Variants in CMSS1 observed in about 807,000 individuals in gnomAD.
The protein encoded by CMSS1 is protein CMSS1.
In CMSS1, 33 loss-of-function variants were observed where a neutral mutation model predicts 43.5. That is an observed-to-expected ratio of 0.76 (90% CI 0.57 to 1.01). The LOEUF (loss-of-function observed/expected upper bound fraction) is 1.01, where lower values mean the gene tolerates loss of function less well. CMSS1 is among the 50% of genes least tolerant of loss of function. CMSS1 has a pLI of 0.00. For synonymous variants in CMSS1, 115 were observed against 117.2 expected, an observed-to-expected ratio of 0.98 and a Z score of 0.12; for missense variants, 313 against 326.4, an observed-to-expected ratio of 0.96 and a Z score of 0.32.
At chr3:99,938,478 T>C (rs1224055074) in intron 1 of CMSS1, among the ~76,000 whole-genome samples, 1 of 152,094 alleles carries the variant, frequency 6.6e-6, no homozygotes, top group Non-Finnish European at 1.5e-5. Context: ...AAGCTGGGAG[T>C]GATCCAAGGC....
chr3:100,002,950 G>A (rs1175502868), intron 1 of CMSS1, among the ~76,000 whole-genome samples: 1 of 152,168 alleles, frequency 6.6e-6, no homozygotes, highest in Admixed American at 6.5e-5. Flanking sequence ...ATTCTTGCTG[G>A]GTTGCATCAG....
At chr3:100,063,295 CA>C (rs2065605589) in intron 1 of CMSS1, among the ~76,000 whole-genome samples, 1 of 152,064 alleles carries the variant, frequency 6.6e-6, no homozygotes, top group South Asian at 2.1e-4. Context: ...AAAATTTTAA[CA>C]GAAAATTTAA....
At chr3:100,045,429 G>A (rs2065263730) in intron 1 of CMSS1, among the ~76,000 whole-genome samples, 2 of 152,184 alleles carry the variant, frequency 1.3e-5, no homozygotes, top group South Asian at 4.1e-4. Context: ...GTGAAAATAT[G>A]TGTATAAAAT....
At chr3:99,959,710 A>G (rs866638514) in intron 1 of CMSS1, among the ~76,000 whole-genome samples, 2 of 152,244 alleles carry the variant, frequency 1.3e-5, no homozygotes, top group African/African-American at 2.4e-5. Flanking sequence ...ACTCCAATAA[A>G]TAGAGCAATA....
At chr3:99,842,329 A>G (rs183269155) in intron 1 of CMSS1, among the ~76,000 whole-genome samples, 8 of 152,178 alleles carry the variant, frequency 5.3e-5, no homozygotes. Context: ...CTGGGGACTC[A>G]GGGGAAAGAG....
At chr3:100,097,485 G>A (rs1482215923) in intron 1 of CMSS1, among the ~76,000 whole-genome samples, 3 of 152,090 alleles carry the variant, frequency 2.0e-5, no homozygotes, top group Non-Finnish European at 4.4e-5. Flanking sequence ...GGGACAACCC[G>A]GTATTCTAAT....
chr3:99,889,065 T>G (rs976339378), intron 1 of CMSS1, among the ~76,000 whole-genome samples: 2 of 152,194 alleles, frequency 1.3e-5, no homozygotes, highest in African/African-American at 4.8e-5. Context: ...GTTCTCTATC[T>G]GCTTGAAGAT....
At chr3:100,010,310 G>C (rs1337641229) in intron 1 of CMSS1, 2 of 170,740 alleles carry the variant, frequency 1.2e-5, no homozygotes, top group African/African-American at 4.8e-5. Context: ...AAAATGAGTT[G>C]GGGAGCGGGG....
chr3:100,175,382 T>C (rs1231458807), intron 8 of CMSS1, among the ~76,000 whole-genome samples: 2 of 152,156 alleles, frequency 1.3e-5, no homozygotes, highest in Non-Finnish European at 2.9e-5. Flanking sequence ...ATAAAAGCAT[T>C]TTGAAGCTGT....
At chr3:99,972,592 G>A (rs993095054) in intron 1 of CMSS1, among the ~76,000 whole-genome samples, 5 of 152,120 alleles carry the variant, frequency 3.3e-5, no homozygotes, top group African/African-American at 4.8e-5. Context: ...AGTAAATAAC[G>A]GTTCATGTTT....
intron 1 of CMSS1, among the ~76,000 whole-genome samples, chr3:100,020,559 A>G (rs907865728): frequency 6.6e-6 from 1 of 152,158 alleles, no homozygotes; most frequent in Non-Finnish European, 1.5e-5. Flanking sequence ...GAGGACTGCA[A>G]TTGGGTTATA....
chr3:100,133,290 G>A (rs2066724510), intron 1 of CMSS1, among the ~76,000 whole-genome samples: 1 of 151,940 alleles, frequency 6.6e-6, no homozygotes, highest in South Asian at 2.1e-4. Flanking sequence ...AATATTAAAG[G>A]ATAAAACATT....
chr3:100,054,579 T>C (rs751484725), intron 1 of CMSS1, among the ~76,000 whole-genome samples: 8 of 152,090 alleles, frequency 5.3e-5, no homozygotes, highest in Non-Finnish European at 1.0e-4. Flanking sequence ...CCTGTTGGCA[T>C]TTGAACTATC....
chr3:99,978,774 A>G (rs1319579314), intron 1 of CMSS1, among the ~76,000 whole-genome samples: 1 of 152,144 alleles, frequency 6.6e-6, no homozygotes, highest in East Asian at 1.9e-4. Context: ...AATCCTAGCT[A>G]CTTGGGTGGC....
chr3:100,030,215 T>C (rs2065000609), intron 1 of CMSS1, among the ~76,000 whole-genome samples: 1 of 152,146 alleles, frequency 6.6e-6, no homozygotes, highest in South Asian at 2.1e-4. Flanking sequence ...TTTTCTCTAC[T>C]CTTTTTGGGC....
At chr3:99,899,040 G>A (rs1375447496) in intron 1 of CMSS1, among the ~76,000 whole-genome samples, 1 of 152,014 alleles carries the variant, frequency 6.6e-6, no homozygotes, top group Non-Finnish European at 1.5e-5. Flanking sequence ...AAAAAAATGT[G>A]GTTATTCCTC....
At chr3:100,093,779 T>C (rs2066154903) in intron 1 of CMSS1, among the ~76,000 whole-genome samples, 1 of 152,232 alleles carries the variant, frequency 6.6e-6, no homozygotes, top group South Asian at 2.1e-4. Context: ...TCAAAAACAG[T>C]ATATAAATAG....
intron 1 of CMSS1, among the ~76,000 whole-genome samples, chr3:99,938,551 A>G (rs932426494): frequency 1.3e-5 from 2 of 152,238 alleles, no homozygotes; most frequent in South Asian, 2.1e-4. Context: ...ACTGTCTGCT[A>G]TCTTTACATT....
At position 99,981,609 on chromosome 3, in the gene CMSS1, T is replaced by C. The variant is rs1709126917; in HGVS notation, c.64+163566T>C. ...GTATTTAATGCAGATTTAATGTATG[T>C]ATGAATCCCCGTTTTGCAAGTGGAA... On this transcript the variant is annotated intron_variant, in intron 1 of 9. Transcript: ENST00000421999. 6.6e-5 allele frequency among the ~76,000 whole-genome samples: 10 copies of C among 152,222 alleles called. No homozygotes were observed. The South Asian group carries it at 2.1e-3, about 31-fold the overall frequency.
Sources: allele counts gnomAD v4.1 joint callset (sites outside exome capture counted in the v4.1 genomes callset), GRCh38; gene constraint gnomAD v4.1.1; transcripts MANE v1.5; gene names NCBI Gene and HGNC (gene_info 2026-07-23, HGNC 2026-07-21).